Variants in ATP2A3 observed in about 807,000 individuals in gnomAD.
ATP2A3 encodes the protein ATPase sarcoplasmic/endoplasmic reticulum Ca2+ transporting 3.
Under a neutral mutation model 106.8 loss-of-function variants are expected in ATP2A3, and 61 were observed. The observed-to-expected ratio is 0.57, with a 90% CI of 0.46 to 0.71. The LOEUF is 0.71. Ranked by LOEUF, ATP2A3 falls within the 30% of genes least tolerant of loss-of-function variation. ATP2A3 has a pLI of 0.00. For synonymous variants in ATP2A3, 611 were observed against 609.3 expected, an observed-to-expected ratio of 1.00 and a Z score of -0.04; for missense variants, 1,201 against 1,423.5, an observed-to-expected ratio of 0.84 and a Z score of 2.52.
chr17:3,949,862 T>A (rs1311867909), intron 7 of ATP2A3, among the ~76,000 whole-genome samples: 3 of 152,148 alleles, frequency 2.0e-5, no homozygotes, highest in African/African-American at 7.2e-5. Flanking sequence ...GGACTTTAGC[T>A]GATTAACCTT....
In ATP2A3 at chr17:3,944,759, A is replaced by G. The variant is rs905060726; in HGVS notation, c.1232T>C (p.Val411Ala). 1.2e-6 allele frequency: 2 copies of G among 1,612,614 alleles called. No individual in the cohort carries two copies. Among genetic ancestry groups the G allele is most frequent in the African/African-American group, 2.7e-5 (2 of 74,836 alleles). Residue 411 changes from valine (V) to alanine (A), a missense_variant, in exon 10 of 21, where the codon GTG becomes GCG. By Grantham distance (64) the Val-to-Ala change is moderately conservative (BLOSUM62 0). Transcript: ENST00000397041. ...PVRCGQFDGL[V>A]ELATICALCN... ...CAGGGCGCAGATGGTCGCCAGCTCCACCAGCCCGTCGAACTGGCCGCAGCG... is the reference window on the plus strand; with the variant it reads ...CAGGGCGCAGATGGTCGCCAGCTCCGCCAGCCCGTCGAACTGGCCGCAGCG...
At chr17:3,939,546 T>G (rs6502759) in intron 14 of ATP2A3, among the ~76,000 whole-genome samples, 3,504 of 151,968 alleles carry the variant, frequency 0.023, 117 homozygotes, top group African/African-American at 0.068. Context: ...CCCAGCACTT[T>G]GGGAGGCTGA....
rs1201396235 is a variant in ATP2A3 at position 3,943,474 on chromosome 17, T to C, written c.1336A>G (p.Thr446Ala). 1 of 1,613,906 alleles carries C rather than the reference T, an allele frequency of 6.2e-7. No homozygotes were observed. The highest frequency in any genetic ancestry group is 1.3e-5 in the African/African-American group (1 of 74,876). Residue 446 changes from threonine (T) to alanine (A), a missense_variant, in exon 11 of 21, where the codon ACT (threonine) becomes GCT (alanine). Physicochemically the swap from Thr to Ala is moderately conservative, Grantham distance 58. Coordinates refer to ENST00000397041, the MANE Select transcript of ATP2A3 (RefSeq NM_005173.4). ...KVGEATETAL[T>A]CLVEKMNVFD... ...ACGTTCATCTTCTCCACCAGGCAAG[T>C]CAGAGCTGTCTCCGTGGCCTCTCCC... is the stretch of plus-strand genomic sequence containing the variant.
intron 10 of ATP2A3, 124 bp from the exon 11 acceptor site, chr17:3,943,646 GGCCCGTGAGCCCTTCCCA>G (rs1185589214): frequency 6.7e-7 from 1 of 1,493,532 alleles, no homozygotes; most frequent in Non-Finnish European, 9.1e-7. Context: ...CCTTTGCACC[GGCCCGTGAGCCCTTCCCA>G]GCCTGGCCGC....
Position 3,951,574 on chromosome 17 carries a change from C to G in ATP2A3, c.324+7G>C. 1 of 1,554,060 alleles carries G rather than the reference C, an allele frequency of 6.4e-7. No homozygotes were observed. Among genetic ancestry groups the G allele is most frequent in the Non-Finnish European group, 8.8e-7 (1 of 1,142,474 alleles). On this transcript the variant is annotated splice_region_variant and intron_variant, in intron 4 of 20. Coordinates refer to ENST00000397041, the MANE Select transcript of ATP2A3 (RefSeq NM_005173.4). ...CCCCGCCCGGTCCCACCCCCAGTGC[C>G]TCCCACCTGCCACACGCCCACAATG... is the stretch of plus-strand genomic sequence containing the variant.
rs140926091 is a variant in ATP2A3, at chr17:3,923,935, C to T, written c.*1487G>A. The T allele has an allele frequency of 3.3e-5, 5 of 152,396 alleles. No homozygotes were observed. In the East Asian group the frequency reaches 9.6e-4, roughly 29 times the overall value. The allele number at this position is 152,396 out of a possible 1,614,324, so 9.4% of individuals were successfully genotyped here. On this transcript the variant is annotated 3_prime_UTR_variant, in exon 21 of 21. Coordinates refer to ENST00000397041, the MANE Select transcript of ATP2A3 (RefSeq NM_005173.4). ...AGCAGGTCAGCAGGTGGGTACAGGG[C>T]CCGCTCCTGCTAAGACCTCCCCACC...
At chr17:3,957,839 T>G (rs2054868842) in intron 1 of ATP2A3, among the ~76,000 whole-genome samples, 1 of 152,226 alleles carries the variant, frequency 6.6e-6, no homozygotes, top group Non-Finnish European at 1.5e-5. Flanking sequence ...CTGCCCACTC[T>G]CAGTGCCATC....
At chr17:3,951,557 G>T in intron 4 of ATP2A3, 24 bp downstream of exon 4, 6 of 538,462 alleles carry the variant, frequency 1.1e-5, no homozygotes, top group Non-Finnish European at 1.6e-5. Context: ...CCCCCCGCCC[G>T]GTCCCACCCC....
In ATP2A3 at chr17:3,924,632, C is replaced by G; in HGVS notation, c.*790G>C. 2.7e-6 allele frequency: 1 copy of G among 373,350 alleles called. No individual in the cohort carries two copies. The highest frequency in any genetic ancestry group is 5.4e-6 in the Non-Finnish European group (1 of 185,596). 23.1% of individuals were successfully genotyped at this position (373,350 alleles called of 1,614,324 possible). A position where few individuals can be genotyped will look rare whatever the true frequency, so the allele number is the denominator to read the frequency against. ...CGTGGCAGACCGGGCGGCAGTGTGA[C>G]TCTGAACATCTCCCGAGCTCAGGAC... On this transcript the variant is annotated 3_prime_UTR_variant, in exon 21 of 21. Coordinates refer to ENST00000397041, the MANE Select transcript of ATP2A3 (RefSeq NM_005173.4). This position sits in a 1 kb window ranked among gnomAD's most constrained non-coding sequence, Gnocchi z 6.4.
rs59996866 is a variant in ATP2A3 at position 3,929,874 on chromosome 17, A to ACCCTTGG, written c.2744+426_2744+427insCCAAGGG. Among the ~76,000 whole-genome samples the ACCCTTGG allele has an allele frequency of 0.058, 8,710 of 150,022 alleles. 857 individuals are homozygous for ACCCTTGG. Among genetic ancestry groups the ACCCTTGG allele is most frequent in the African/African-American group, 0.2 (8,213 of 40,190 alleles). ...AGTCCTGGACTCCCCTGACCCCTGG[A>ACCCTTGG]ACCCAATCCTGGACCCTTGACCCTC... On this transcript the variant is annotated intron_variant, in intron 18 of 20. Coordinates refer to ENST00000397041, the MANE Select transcript of ATP2A3 (RefSeq NM_005173.4). The surrounding 1 kb of genome is among the most constrained non-coding windows in gnomAD (Gnocchi z 4.3).
chr17:3,951,171 T>G (rs1018412706), intron 5 of ATP2A3, 80 bp downstream of exon 5: 1 of 1,145,500 alleles, frequency 8.7e-7, no homozygotes, highest in Non-Finnish European at 1.1e-6. Context: ...CGACTCCATC[T>G]CAAAAAATAA....
At chr17:3,954,561 A>G (rs1160924011) in intron 1 of ATP2A3, among the ~76,000 whole-genome samples, 5 of 148,708 alleles carry the variant, frequency 3.4e-5, no homozygotes, top group Non-Finnish European at 5.9e-5. Context: ...CAGTGGCGCA[A>G]TCTTGGCTCA....
intron 1 of ATP2A3, among the ~76,000 whole-genome samples, chr17:3,957,486 T>C (rs2054849552): frequency 6.6e-6 from 1 of 152,220 alleles, no homozygotes; most frequent in Non-Finnish European, 1.5e-5. Flanking sequence ...CGTGCCCCTC[T>C]GTAGAGAGCC....
rs2053371200 is a variant in ATP2A3 at position 3,935,292 on chromosome 17, G to A, written c.2525-15C>T. 2 of 1,611,760 alleles carry A rather than the reference G, an allele frequency of 1.2e-6. No homozygotes were observed. Among genetic ancestry groups the A allele is most frequent in the East Asian group, 2.2e-5 (1 of 44,864 alleles). On this transcript the variant is annotated splice_polypyrimidine_tract_variant and intron_variant, in intron 16 of 20. Transcript: ENST00000397041. Reference sequence around the variant, plus strand: ...GCCTACGTACACTGCGGGGAAGGGAGGAGACCGGCTGTAGAGAATGGCGGT... The same window carrying A: ...GCCTACGTACACTGCGGGGAAGGGAAGAGACCGGCTGTAGAGAATGGCGGT...
chr17:3,951,962 G>T (rs2054472219), intron 3 of ATP2A3, among the ~76,000 whole-genome samples: 1 of 152,190 alleles, frequency 6.6e-6, no homozygotes, highest in Non-Finnish European at 1.5e-5. Flanking sequence ...GAGCATCTCA[G>T]TGTGGTCCCC....
At position 3,945,030 on chromosome 17, in the gene ATP2A3, C is replaced by A. The variant is rs548644852; in HGVS notation, c.1184+30G>T. ...CGCGTGGCCCCGCCCCCAGGCCGCC[C>A]GCCCGCGCGTCCCCTGGCCCCGCAC... On this transcript the variant is annotated intron_variant, in intron 9 of 20. Transcript: ENST00000397041. 5.9e-5 allele frequency: 88 copies of A among 1,481,422 alleles called. No individual in the cohort carries two copies. In the African/African-American group the frequency reaches 1.0e-3, roughly 18 times the overall value. 91.8% of individuals were successfully genotyped at this position (1,481,422 alleles called of 1,614,324 possible). A position where few individuals can be genotyped will look rare whatever the true frequency, so the allele number is the denominator to read the frequency against.
At chr17:3,942,564 C>G (rs752686488) in intron 12 of ATP2A3, 42 bp downstream of exon 12, 1 of 1,599,532 alleles carries the variant, frequency 6.3e-7, no homozygotes, top group Non-Finnish European at 8.5e-7. Context: ...ACCAGGTTCC[C>G]CAGGGCGCGC....
At chr17:3,952,567 A>G (rs532495553) in intron 3 of ATP2A3, among the ~76,000 whole-genome samples, 38 of 152,192 alleles carry the variant, frequency 2.5e-4, no homozygotes, top group African/African-American at 8.9e-4. Flanking sequence ...GGTGCCCCCC[A>G]GGGGCATTTG....
intron 1 of ATP2A3, among the ~76,000 whole-genome samples, chr17:3,960,589 C>T (rs2055082261): frequency 2.6e-5 from 4 of 152,242 alleles, no homozygotes; most frequent in Admixed American, 2.6e-4. Context: ...GGCTCCAGTC[C>T]AGCAGAGGAG....
Sources: allele counts gnomAD v4.1 joint callset (sites outside exome capture counted in the v4.1 genomes callset), GRCh38; gene constraint gnomAD v4.1.1; non-coding constraint Gnocchi (gnomAD v3.1); transcripts MANE v1.5; gene names NCBI Gene and HGNC (gene_info 2026-07-23, HGNC 2026-07-21).